IPMK: variants seen among roughly 807,000 people sequenced by gnomAD.
IPMK encodes the protein inositol 1,3,4,6-tetrakisphosphate 5-kinase.
Under a neutral mutation model 45.8 loss-of-function variants are expected in IPMK, and 17 were observed. The ratio of observed to expected loss-of-function variants is 0.37; its 90% CI spans 0.25 to 0.56. IPMK has a LOEUF of 0.56. IPMK is among the 20% of genes least tolerant of loss of function. IPMK has a pLI of 0.79. For synonymous variants in IPMK, 180 were observed against 184.3 expected (o/e 0.98, Z 0.19); for missense variants, 399 against 498.0 (o/e 0.80, Z 1.89).
chr10:58,248,910 C>A (rs1838843311), intron 1 of IPMK, among the ~76,000 whole-genome samples: 1 of 152,164 alleles, frequency 6.6e-6, no homozygotes, highest in South Asian at 2.1e-4. Flanking sequence ...CCATTATGAA[C>A]CACATTTTCT....
chr10:58,238,839 T>TG (rs1564536069), intron 1 of IPMK, among the ~76,000 whole-genome samples: 1 of 150,822 alleles, frequency 6.6e-6, no homozygotes, highest in African/African-American at 2.5e-5. Context: ...GAAATCAAGT[T>TG]TGTTTTTTGT....
At chr10:58,259,075 G>T (rs771121004) in intron 1 of IPMK, among the ~76,000 whole-genome samples, 2 of 152,108 alleles carry the variant, frequency 1.3e-5, no homozygotes, top group Non-Finnish European at 2.9e-5. Context: ...TATAGGTATG[G>T]GGATTAACTC....
chr10:58,215,597 A>G (rs538249348), intron 4 of IPMK, among the ~76,000 whole-genome samples: 2 of 151,954 alleles, frequency 1.3e-5, no homozygotes, highest in East Asian at 1.9e-4. Flanking sequence ...TTTTGTAGAG[A>G]TGGGGTTTTG....
At chr10:58,228,246 A>G (rs1300347371) in intron 2 of IPMK, among the ~76,000 whole-genome samples, 5 of 152,186 alleles carry the variant, frequency 3.3e-5, no homozygotes, top group Admixed American at 3.3e-4. Flanking sequence ...TACTGATCTA[A>G]AGAACTCCAT....
intron 3 of IPMK, 74 bp downstream of exon 3, chr10:58,226,969 A>C: frequency 1.1e-6 from 1 of 940,388 alleles, no homozygotes; most frequent in Middle Eastern, 3.3e-4. Context: ...GTTAAATTTT[A>C]ATTTTACATA....
chr10:58,196,551 C>G lies in IPMK; in HGVS notation c.776G>C (p.Gly259Ala), dbSNP rs1254291491. Residue 259 changes from glycine (G) to alanine (A), a missense_variant, in exon 6 of 6, where the codon GGT becomes GCT. Around this residue, in one of 2 missense-constraint regions of IPMK, gnomAD observed 288 missense variants for 398.0 expected, o/e 0.72. Transcript: ENST00000373935. Reference protein sequence around the residue: ...YASSLLFVYEGSSQPTTTKLN... With the variant: ...YASSLLFVYEASSQPTTTKLN... ...TTTTGTAGTGGTTGGCTGAGATGAA[C>G]CTTCATAAACAAAGAGTAATGAACT... 1 of 1,613,882 alleles carries G rather than the reference C, an allele frequency of 6.2e-7. No individual in the cohort carries two copies. The highest frequency in any genetic ancestry group is 1.7e-5 in the Admixed American group (1 of 60,000).
At position 58,196,336 on chromosome 10, in the gene IPMK, T is replaced by C. The variant is rs1740344421; in HGVS notation, c.991A>G (p.Ser331Gly). ...TTTTCAACTTTCAATGAAGTCTGAC[T>C]GTGATGCTTTTTTGTATATATTTTC... ...HRKIYTKKHH[S>G]QTSLKVENLE... Residue 331 changes from serine to glycine, a missense_variant, in exon 6 of 6, where the codon AGT (serine) becomes GGT (glycine). By Grantham distance (56) the Ser-to-Gly change is moderately conservative. This residue lies in a region of IPMK where 288 missense variants were observed against 398.0 expected (regional missense o/e 0.72). Transcript: ENST00000373935. The C allele has an allele frequency of 1.2e-6, 2 of 1,614,062 alleles. No individual in the cohort carries two copies. Among genetic ancestry groups the C allele is most frequent in the African/African-American group, 1.3e-5 (1 of 74,936 alleles).
At chr10:58,204,325 G>C (rs1442687124) in intron 4 of IPMK, among the ~76,000 whole-genome samples, 1 of 152,102 alleles carries the variant, frequency 6.6e-6, no homozygotes, top group African/African-American at 2.4e-5. Flanking sequence ...AAAGAAAACT[G>C]AGAAACAGGT....
intron 4 of IPMK, among the ~76,000 whole-genome samples, chr10:58,207,477 T>C (rs928405089): frequency 1.3e-5 from 2 of 152,250 alleles, no homozygotes; most frequent in Admixed American, 1.3e-4. Context: ...CTGTTTTCCA[T>C]AGTGGTTGTA....
rs1413052570 is a variant in IPMK, at chr10:58,267,573, C to T, written c.39G>A (p.Ala13=). 1.2e-6 allele frequency: 2 copies of T among 1,607,478 alleles called. 1 individual carries two copies. Among genetic ancestry groups the T allele is most frequent in the South Asian group, 2.2e-5 (2 of 90,406 alleles). ...TEPPSPLRVE[A]PGPPEMRTSP... ...AGGTCCGCATTTCTGGGGGGCCCGG[C>T]GCCTCGACCCGGAGGGGGGATGGTG... Residue 13 remains alanine, a synonymous_variant, in exon 1 of 6, where the codon GCG becomes GCA. Transcript: ENST00000373935.
chr10:58,231,825 C>T (rs1484429471), intron 2 of IPMK, among the ~76,000 whole-genome samples: 1 of 152,154 alleles, frequency 6.6e-6, no homozygotes, highest in Non-Finnish European at 1.5e-5. Context: ...TCACATATAA[C>T]AATATTAACC....
Position 58,195,745 on chromosome 10 carries a change from C to T in IPMK, c.*331G>A. 1 of 198,558 alleles carries T rather than the reference C, an allele frequency of 5.0e-6. No individual in the cohort carries two copies. Among genetic ancestry groups the T allele is most frequent in the South Asian group, 1.2e-4 (1 of 8,426 alleles). The allele number at this position is 198,558 out of a possible 1,614,324, so 12.3% of individuals were successfully genotyped here. ...GTCAAGGCTGGGTGGACAGAGATTT[C>T]ATGAATTGGCTACAGAAAGCTAACT... On this transcript the variant is annotated 3_prime_UTR_variant, in exon 6 of 6. Transcript: ENST00000373935.
chr10:58,196,216 T>G lies in IPMK; in HGVS notation c.1111A>C (p.Thr371Pro), dbSNP rs772459420. The change falls in exon 6 of 6, where the codon ACT becomes CCT. Residue 371 changes from threonine (T) to proline (P), a missense_variant. This residue lies in a region of IPMK where 288 missense variants were observed against 398.0 expected (regional missense o/e 0.72). Transcript: ENST00000373935. ...ACTTCAGCAATCTCTTGGCAACCAG[T>G]GGGAAGATGGTAGAAAACTTTTTCC... ...QLEKVFYHLP[T>P]GCQEIAEVEV... The G allele has an allele frequency of 4.3e-6, 7 of 1,614,098 alleles. No individual in the cohort carries two copies. The highest frequency in any genetic ancestry group is 2.2e-5 in the East Asian group (1 of 44,890).
chr10:58,206,847 G>C (rs1838078017), intron 4 of IPMK, among the ~76,000 whole-genome samples: 1 of 151,956 alleles, frequency 6.6e-6, no homozygotes, highest in Non-Finnish European at 1.5e-5. Flanking sequence ...TCAAAACCTA[G>C]CTCCCACTTG....
At chr10:58,253,549 G>C (rs1204162798) in intron 1 of IPMK, among the ~76,000 whole-genome samples, 3 of 151,814 alleles carry the variant, frequency 2.0e-5, no homozygotes, top group Admixed American at 2.0e-4. Context: ...ACCAGCCTGG[G>C]CAACACAGTG....
Position 58,267,777 on chromosome 10 carries a change from G to C in IPMK, c.-166C>G. 1.8e-6 allele frequency: 1 copy of C among 561,278 alleles called. No individual in the cohort carries two copies. 34.8% of individuals were successfully genotyped at this position (561,278 alleles called of 1,614,324 possible). On this transcript the variant is annotated 5_prime_UTR_variant, in exon 1 of 6. Coordinates refer to ENST00000373935, the MANE Select transcript of IPMK (RefSeq NM_152230.5). ...CGGGGAGGGGGCCCATGACGCCGCC[G>C]GGGCGCGGGCGCTCCTCTGCCCAAC...
intron 1 of IPMK, among the ~76,000 whole-genome samples, chr10:58,247,159 G>A (rs1420291077): frequency 6.8e-6 from 1 of 146,424 alleles, no homozygotes; most frequent in South Asian, 2.1e-4. Flanking sequence ...GAAACAACAG[G>A]TACTGGAGAG....
At position 58,194,736 on chromosome 10, in the gene IPMK, G is replaced by A. The variant is rs1053574735; in HGVS notation, c.*1340C>T. On this transcript the variant is annotated 3_prime_UTR_variant, in exon 6 of 6. Transcript: ENST00000373935. ...TATTTTCCAGGAATATGACAAAACT[G>A]ATAACTACCTAGAAATGTTATTAGT... is the stretch of plus-strand genomic sequence containing the variant. The A allele has an allele frequency of 6.6e-6, 1 of 151,914 alleles. No individual in the cohort carries two copies. The highest frequency in any genetic ancestry group is 1.5e-5 in the Non-Finnish European group (1 of 67,840). The allele number at this position is 151,914 out of a possible 1,614,324, so 9.4% of individuals were successfully genotyped here.
chr10:58,207,218 T>C (rs916118575), intron 4 of IPMK, among the ~76,000 whole-genome samples: 1 of 152,222 alleles, frequency 6.6e-6, no homozygotes, highest in Non-Finnish European at 1.5e-5. Context: ...TTAGCTAGGA[T>C]GGTCTCGATC....
Sources: allele counts gnomAD v4.1 joint callset (sites outside exome capture counted in the v4.1 genomes callset), GRCh38; gene constraint gnomAD v4.1.1; regional missense constraint gnomAD v4.1.1; transcripts MANE v1.5; gene names NCBI Gene and HGNC (gene_info 2026-07-23, HGNC 2026-07-21).